OR10J1: variants seen among roughly 807,000 people sequenced by gnomAD.
OR10J1 encodes olfactory receptor 10J1.
For missense variants in OR10J1, 474 were observed against 376.6 expected (o/e 1.26, Z -2.14); for synonymous variants, 202 against 143.8 (o/e 1.40, Z -2.89).
chr1:159,418,211 T>G, the OR10J1 span, among the ~76,000 whole-genome samples: 2 of 152,192 alleles, frequency 1.3e-5, no homozygotes, highest in Admixed American at 6.5e-5. Context: ...TTTTCTTAAG[T>G]AACAAGGAGC....
the OR10J1 span, among the ~76,000 whole-genome samples, chr1:159,411,411 G>A: frequency 5.8e-4 from 89 of 152,276 alleles, no homozygotes; most frequent in African/African-American, 2.1e-3. Flanking sequence ...ATTTAGGATA[G>A]TTAGCTCTTC....
chr1:159,399,160 A>T, the OR10J1 span, among the ~76,000 whole-genome samples: 1 of 152,194 alleles, frequency 6.6e-6, no homozygotes, highest in South Asian at 2.1e-4. Flanking sequence ...AAGAAAAAAA[A>T]AACTGTTAAG....
the OR10J1 span, chr1:159,406,134 A>G: frequency 2.1e-6 from 1 of 468,596 alleles, no homozygotes; most frequent in Non-Finnish European, 4.3e-6. Flanking sequence ...ATGGGGAGTA[A>G]TGGCCACCAT....
upstream of OR10J1, among the ~76,000 whole-genome samples, chr1:159,438,257 C>CCT (rs1272788261): frequency 2.0e-5 from 3 of 152,176 alleles, no homozygotes; most frequent in African/African-American, 7.2e-5. Context: ...TCAAGACAGA[C>CCT]AAGTTTCAGC....
At chr1:159,404,105 A>G in the OR10J1 span, among the ~76,000 whole-genome samples, 7 of 152,084 alleles carry the variant, frequency 4.6e-5, no homozygotes, top group Non-Finnish European at 8.8e-5. Flanking sequence ...CCAGAGGCTG[A>G]AAAGTATAGC....
chr1:159,430,467 G>A, the OR10J1 span, among the ~76,000 whole-genome samples: 3 of 152,126 alleles, frequency 2.0e-5, no homozygotes, highest in Non-Finnish European at 4.4e-5. Context: ...TTTGATCACA[G>A]AGGTATTTAA....
the OR10J1 span, among the ~76,000 whole-genome samples, chr1:159,414,434 T>C: frequency 6.6e-6 from 1 of 152,170 alleles, no homozygotes; most frequent in Admixed American, 6.6e-5. Flanking sequence ...ATTCTTTTTA[T>C]GGTCAAACAG....
the OR10J1 span, among the ~76,000 whole-genome samples, chr1:159,426,165 A>C: frequency 6.6e-6 from 1 of 151,952 alleles, no homozygotes; most frequent in Non-Finnish European, 1.5e-5. Flanking sequence ...AAAACCTAGT[A>C]AATAAAAAAT....
At position 159,440,062 on chromosome 1, in the gene OR10J1, C is replaced by A. The variant is rs780159189; in HGVS notation, c.271C>A (p.Pro91Thr). Residue 91 changes from proline to threonine, a missense_variant, in exon 1 of 1, where the codon CCC becomes ACC. By Grantham distance (38) the Pro-to-Thr change is conservative (BLOSUM62 -1). Transcript: ENST00000423932. ...CTCCAGCCTCGTAGGTATGAGCCAGCCCATATCATTGGCAGGGTGTGCCAC... is the reference window on the plus strand; with the variant it reads ...CTCCAGCCTCGTAGGTATGAGCCAGACCATATCATTGGCAGGGTGTGCCAC... ...MLSSLVGMSQ[P>T]ISLAGCATQM... The A allele has an allele frequency of 8.7e-6, 14 of 1,613,966 alleles. No homozygotes were observed. In the South Asian group the frequency reaches 1.4e-4, roughly 16 times the overall value.
the OR10J1 span, among the ~76,000 whole-genome samples, chr1:159,418,367 T>G: frequency 4.1e-4 from 63 of 151,950 alleles, 1 homozygote; most frequent in Non-Finnish European, 3.7e-4. Context: ...TTATGCACAG[T>G]CTATTGGTGC....
chr1:159,426,390 T>C, the OR10J1 span, among the ~76,000 whole-genome samples: 1 of 151,876 alleles, frequency 6.6e-6, no homozygotes, highest in South Asian at 2.1e-4. Context: ...AAAATTGTTG[T>C]AATATTGCTC....
At chr1:159,436,640 G>A (rs868018517), upstream of OR10J1, among the ~76,000 whole-genome samples, 6 of 149,950 alleles carry the variant, frequency 4.0e-5, no homozygotes, top group Non-Finnish European at 5.9e-5. Flanking sequence ...CAGAAAGACC[G>A]GAAAAGGGAA....
upstream of OR10J1, among the ~76,000 whole-genome samples, chr1:159,436,590 G>C (rs559497577): frequency 6.6e-6 from 1 of 151,794 alleles, no homozygotes; most frequent in Admixed American, 6.6e-5. Flanking sequence ...CCAGTGCAGG[G>C]TATGGTGTTT....
the OR10J1 span, among the ~76,000 whole-genome samples, chr1:159,422,192 G>A: frequency 2.6e-5 from 4 of 152,172 alleles, no homozygotes; most frequent in Non-Finnish European, 5.9e-5. Context: ...GAGTACTGGA[G>A]TTGGTGGATC....
upstream of OR10J1, among the ~76,000 whole-genome samples, chr1:159,437,298 ACTGCCCT>A: frequency 6.6e-6 from 1 of 152,152 alleles, no homozygotes; most frequent in East Asian, 1.9e-4. Flanking sequence ...GGCAGCATGA[ACTGCCCT>A]CTGCAGAATG....
the OR10J1 span, among the ~76,000 whole-genome samples, chr1:159,397,949 C>G: frequency 6.6e-6 from 1 of 152,320 alleles, no homozygotes; most frequent in Non-Finnish European, 1.5e-5. Flanking sequence ...CTTGGGCAAG[C>G]CCCAGCACTA....
the OR10J1 span, among the ~76,000 whole-genome samples, chr1:159,397,961 C>G: frequency 5.8e-4 from 88 of 152,332 alleles, no homozygotes; most frequent in African/African-American, 2.1e-3. Context: ...CCAGCACTAT[C>G]CTGGCTTCAA....
At chr1:159,407,545 G>C in the OR10J1 span, among the ~76,000 whole-genome samples, 1 of 152,102 alleles carries the variant, frequency 6.6e-6, no homozygotes, top group African/African-American at 2.4e-5. Flanking sequence ...AAGGAGATGT[G>C]TTTAACCAGG....
chr1:159,432,852 T>C (rs1276337187), upstream of OR10J1: 4 of 411,100 alleles, frequency 9.7e-6, no homozygotes, highest in East Asian at 1.4e-4. Flanking sequence ...TTGATCTTCA[T>C]CTCCTATGTC....
Sources: gnomAD v4.1 joint callset for allele counts (sites outside exome capture counted in the v4.1 genomes callset) on GRCh38, gnomAD v4.1.1 for gene constraint, MANE v1.5 for transcripts, NCBI Gene and HGNC (gene_info 2026-07-23, HGNC 2026-07-21) for gene names.